Variants in GPRC5B observed in about 807,000 individuals in gnomAD.
The protein encoded by GPRC5B is G protein-coupled receptor family C group 5 member B.
Under a neutral mutation model 30.1 loss-of-function variants are expected in GPRC5B, and 16 were observed. The observed-to-expected ratio is 0.53, with a 90% CI of 0.36 to 0.81. The LOEUF is 0.81. Among genes scored for constraint, GPRC5B ranks in the 30% least tolerant of loss-of-function variants. The pLI is 0.01. For synonymous variants in GPRC5B, 241 were observed against 239.5 expected, an observed-to-expected ratio of 1.01 and a Z score of -0.06; for missense variants, 428 against 544.7, an observed-to-expected ratio of 0.79 and a Z score of 2.13.
At position 19,858,628 on chromosome 16, in the gene GPRC5B, G is replaced by C. The variant is rs1371065662; in HGVS notation, c.*1872C>G. The C allele has an allele frequency of 3.5e-6, 2 of 565,786 alleles. No homozygotes were observed. The highest frequency in any genetic ancestry group is 6.1e-5 in the East Asian group (2 of 32,782). 35.0% of individuals were successfully genotyped at this position (565,786 alleles called of 1,614,324 possible). A position where few individuals can be genotyped will look rare whatever the true frequency, so the allele number is the denominator to read the frequency against. On this transcript the variant is annotated 3_prime_UTR_variant, in exon 4 of 4. Coordinates refer to ENST00000300571, the MANE Select transcript of GPRC5B (RefSeq NM_016235.3). ...AAGATTTCTTTCTTTTCAGAATACC[G>C]GGTCCGCATGCAACCGCCCCCACCC...
chr16:19,861,839 T>C lies in GPRC5B; in HGVS notation c.1165A>G (p.Thr389Ala), dbSNP rs1258619445. 1 of 1,612,850 alleles carries C rather than the reference T, an allele frequency of 6.2e-7. No homozygotes were observed. The highest frequency in any genetic ancestry group is 8.5e-7 in the Non-Finnish European group (1 of 1,179,548). ...TEMAVVLNGG[T>A]IPTAPPSHTG... ...CCACATCACATCTTGATACTTACGG[T>C]CCCACCGTTGAGCACGACGGCCATC... Residue 389 changes from threonine to alanine, a missense_variant and splice_region_variant, in exon 3 of 4, where the codon ACC (threonine) becomes GCC (alanine). Around this residue, in one of 3 missense-constraint regions of GPRC5B, gnomAD observed 19 missense variants for 43.1 expected, o/e 0.44. Coordinates refer to ENST00000300571, the MANE Select transcript of GPRC5B (RefSeq NM_016235.3).
chr16:19,884,872 G>C (rs975981238), upstream of GPRC5B: 57 of 981,132 alleles, frequency 5.8e-5, no homozygotes, highest in Non-Finnish European at 6.6e-5. Flanking sequence ...GCTGCCGCGC[G>C]AGGCGCCCCC....
At chr16:19,884,992 G>A (rs1260519508), upstream of GPRC5B, 5 of 624,978 alleles carry the variant, frequency 8.0e-6, no homozygotes, top group East Asian at 1.4e-4. Context: ...CGGCGGTTCC[G>A]CGCGGGGCTA....
At position 19,872,293 on chromosome 16, in the gene GPRC5B, C is replaced by T. The variant is rs746123163; in HGVS notation, c.553G>A (p.Val185Met). The change falls in exon 2 of 4, where the codon GTG (valine) becomes ATG (methionine). Residue 185 changes from valine to methionine, a missense_variant. Val to Met is a conservative substitution (Grantham distance 21). Coordinates refer to ENST00000300571, the MANE Select transcript of GPRC5B (RefSeq NM_016235.3). This position sits in a 1 kb window ranked among gnomAD's most constrained non-coding sequence, Gnocchi z 5.0. ...CAGGCTGGCCTTGTGTCACGCAGCA[C>T]GGTGAGCACCAGCCACTCCACAGCG... Reference protein sequence around the residue: ...IIAVEWLVLTVLRDTRPACAY... With the variant: ...IIAVEWLVLTMLRDTRPACAY... 15 of 1,613,804 alleles carry T rather than the reference C, an allele frequency of 9.3e-6. No individual in the cohort carries two copies. The highest frequency in any genetic ancestry group is 2.2e-5 in the East Asian group (1 of 44,868).
intron 2 of GPRC5B, among the ~76,000 whole-genome samples, chr16:19,863,007 G>A (rs2056639378): frequency 6.6e-6 from 1 of 152,156 alleles, no homozygotes; most frequent in East Asian, 1.9e-4. Context: ...AAATTACTTG[G>A]GGCAGGGACC....
intron 1 of GPRC5B, among the ~76,000 whole-genome samples, chr16:19,881,684 A>G (rs1395673492): frequency 1.3e-5 from 2 of 152,198 alleles, no homozygotes; most frequent in Non-Finnish European, 2.9e-5. Context: ...TGGGAGGCTG[A>G]GGCAGGAGGA....
chr16:19,885,485 A>G, upstream of GPRC5B: 1 of 1,137,182 alleles, frequency 8.8e-7, no homozygotes, highest in Non-Finnish European at 1.1e-6. The surrounding 1 kb of genome is among the most constrained non-coding windows in gnomAD (Gnocchi z 5.3). Context: ...CCGTTTACGC[A>G]CACTGGGACC....
At chr16:19,867,459 C>T (rs542086283) in intron 2 of GPRC5B, among the ~76,000 whole-genome samples, 5 of 152,316 alleles carry the variant, frequency 3.3e-5, no homozygotes, top group Admixed American at 2.6e-4. Flanking sequence ...ACCGGGCCCC[C>T]AGGAAGCCCC....
chr16:19,866,875 T>G (rs112781458), intron 2 of GPRC5B, among the ~76,000 whole-genome samples: 3,684 of 152,324 alleles, frequency 0.024, 131 homozygotes, highest in African/African-American at 0.084. Flanking sequence ...CGCACCTTAT[T>G]GATAAGTCTG....
rs375814463 is a variant in GPRC5B, at chr16:19,872,077, C to G, written c.769G>C (p.Gly257Arg). ...WVAWMTMYLF[G>R]NVKLQQGDAW... ...TCCCCCTGCTGCAGCTTGACATTGC[C>G]GAAGAGGTACATGGTCATCCAGGCC... Residue 257 changes from glycine (G) to arginine (R), a missense_variant, in exon 2 of 4, where the codon GGC becomes CGC. Physicochemically the swap from Gly to Arg is moderately radical, Grantham distance 125 (BLOSUM62 -2). Around this residue, in one of 3 missense-constraint regions of GPRC5B, gnomAD observed 213 missense variants for 229.1 expected, o/e 0.93. Transcript: ENST00000300571. This position sits in a 1 kb window ranked among gnomAD's most constrained non-coding sequence, Gnocchi z 5.0. 6 of 1,613,996 alleles carry G rather than the reference C, an allele frequency of 3.7e-6. No homozygotes were observed. The highest frequency in any genetic ancestry group is 2.2e-5 in the East Asian group (1 of 44,862).
intron 2 of GPRC5B, among the ~76,000 whole-genome samples, chr16:19,863,892 G>A (rs2056646793): frequency 6.6e-6 from 1 of 152,108 alleles, no homozygotes; most frequent in Admixed American, 6.6e-5. Flanking sequence ...TCTAATGCTT[G>A]ACAATCTAAG....
chr16:19,857,226 C>T lies in GPRC5B; in HGVS notation c.*3274G>A, dbSNP rs147078534. 4.7e-5 allele frequency: 13 copies of T among 278,252 alleles called. No homozygotes were observed. Among genetic ancestry groups the T allele is most frequent in the African/African-American group, 9.3e-5 (4 of 43,040 alleles). 17.2% of individuals were successfully genotyped at this position (278,252 alleles called of 1,614,324 possible). ...TCCCATTTAAAATGCCACAGACCGA[C>T]CCTCAAGGCAGATCCGAAAGCCTAG... On this transcript the variant is annotated 3_prime_UTR_variant, in exon 4 of 4. Coordinates refer to ENST00000300571, the MANE Select transcript of GPRC5B (RefSeq NM_016235.3).
rs397937342 is a variant in GPRC5B, at chr16:19,857,745, TAAAAA to T, written c.*2750_*2754del. 12 of 98,638 alleles carry T rather than the reference TAAAAA, an allele frequency of 1.2e-4. No individual in the cohort carries two copies. Among genetic ancestry groups the T allele is most frequent in the Admixed American group, 1.2e-4 (1 of 8,592 alleles). 6.1% of individuals were successfully genotyped at this position (98,638 alleles called of 1,614,324 possible). The stretch of plus-strand genomic sequence containing the variant: ...CAGTGGGTCCTGACGGCATCTGGGC[TAAAAA>T]AAAAAAAAAAAAAAAGCACTGGGCG... On this transcript the variant is annotated 3_prime_UTR_variant, in exon 4 of 4. Transcript: ENST00000300571.
At chr16:19,876,741 T>C (rs993072335) in intron 1 of GPRC5B, among the ~76,000 whole-genome samples, 1 of 152,164 alleles carries the variant, frequency 6.6e-6, no homozygotes, top group Non-Finnish European at 1.5e-5. Flanking sequence ...ACATGGGAAA[T>C]AGATACACTC....
In GPRC5B at chr16:19,872,664, G is replaced by A. The variant is rs779671010; in HGVS notation, c.182C>T (p.Ala61Val). ...LDAIWGIVVE[A>V]VAGAGALITL... ...GATCAGGGCGCCCGCCCCGGCCACCGCCTCCACCACAATGCCCCAGATGGC... is the reference window on the plus strand; with the variant it reads ...GATCAGGGCGCCCGCCCCGGCCACCACCTCCACCACAATGCCCCAGATGGC... The change falls in exon 2 of 4, where the codon GCG becomes GTG. Residue 61 changes from alanine (A) to valine (V), a missense_variant. This residue lies in a region of GPRC5B where 196 missense variants were observed against 272.6 expected (regional missense o/e 0.72). Transcript: ENST00000300571. This position sits in a 1 kb window ranked among gnomAD's most constrained non-coding sequence, Gnocchi z 5.0. 38 of 1,614,018 alleles carry A rather than the reference G, an allele frequency of 2.4e-5. No individual in the cohort carries two copies. Among genetic ancestry groups the A allele is most frequent in the East Asian group, 6.7e-5 (3 of 44,866 alleles).
At chr16:19,882,121 C>T (rs961970702) in intron 1 of GPRC5B, 1 of 152,270 alleles carries the variant, frequency 6.6e-6, no homozygotes, top group Non-Finnish European at 1.5e-5. Context: ...TCCCACACCC[C>T]CAATTCTCAC....
In GPRC5B at chr16:19,858,628, G is replaced by A; in HGVS notation, c.*1872C>T. The A allele has an allele frequency of 5.3e-6, 3 of 565,904 alleles. No individual in the cohort carries two copies. The highest frequency in any genetic ancestry group is 9.6e-6 in the Non-Finnish European group (3 of 311,924). The allele number at this position is 565,904 out of a possible 1,614,324, so 35.1% of individuals were successfully genotyped here. On this transcript the variant is annotated 3_prime_UTR_variant, in exon 4 of 4. Coordinates refer to ENST00000300571, the MANE Select transcript of GPRC5B (RefSeq NM_016235.3). ...AAGATTTCTTTCTTTTCAGAATACC[G>A]GGTCCGCATGCAACCGCCCCCACCC...
chr16:19,884,622 GA>G (rs1416740238), intron 1 of GPRC5B, 104 bp downstream of exon 1: 1 of 863,896 alleles, frequency 1.2e-6, no homozygotes, highest in African/African-American at 1.8e-5. Flanking sequence ...GGGGCGCTTA[GA>G]AAAACACAAG....
upstream of GPRC5B, chr16:19,885,513 C>A (rs1265136070): frequency 2.7e-6 from 3 of 1,127,070 alleles, no homozygotes; most frequent in Non-Finnish European, 2.2e-6. The surrounding 1 kb of genome is among the most constrained non-coding windows in gnomAD (Gnocchi z 5.3). Flanking sequence ...GCTTCCTTGG[C>A]CCCTCGAAAC....
Sources: gnomAD v4.1 joint callset for allele counts (sites outside exome capture counted in the v4.1 genomes callset) on GRCh38, gnomAD v4.1.1 for gene constraint, gnomAD v4.1.1 regional missense constraint, Gnocchi (gnomAD v3.1) non-coding constraint, MANE v1.5 for transcripts, NCBI Gene and HGNC (gene_info 2026-07-23, HGNC 2026-07-21) for gene names.